Variants in GAL3ST1 observed in about 807,000 individuals in gnomAD.
GAL3ST1 encodes the protein galactose-3-O-sulfotransferase 1, also known as galactosylceramide sulfotransferase.
In GAL3ST1, 13 loss-of-function variants were observed where a neutral mutation model predicts 25.0. The ratio of observed to expected loss-of-function variants is 0.52; its 90% CI spans 0.34 to 0.83. GAL3ST1 has a LOEUF of 0.83. Ranked by LOEUF, GAL3ST1 falls within the 40% of genes least tolerant of loss-of-function variation. The pLI is 0.02. For missense variants in GAL3ST1, 474 were observed against 613.6 expected, an observed-to-expected ratio of 0.77 and a Z score of 2.40; for synonymous variants, 274 against 277.8, an observed-to-expected ratio of 0.99 and a Z score of 0.14.
intron 1 of GAL3ST1, chr22:30,566,193 G>C (rs1401632744): frequency 2.6e-5 from 4 of 152,282 alleles, no homozygotes; most frequent in African/African-American, 9.6e-5. Flanking sequence ...ATGGTATGGA[G>C]TTGTTTTATC....
At chr22:30,558,769 T>C (rs1435518436) in intron 1 of GAL3ST1, among the ~76,000 whole-genome samples, 3 of 152,216 alleles carry the variant, frequency 2.0e-5, no homozygotes, top group African/African-American at 7.2e-5. Context: ...GCCTGTAGGG[T>C]TGCTCAGTTA....
chr22:30,560,169 G>A (rs1458745032), intron 1 of GAL3ST1: 1 of 152,126 alleles, frequency 6.6e-6, no homozygotes, highest in African/African-American at 2.4e-5. Context: ...TTGTCAACAC[G>A]TTAACAAATG....
chr22:30,564,248 T>C (rs1463644219), intron 1 of GAL3ST1, among the ~76,000 whole-genome samples: 1 of 152,204 alleles, frequency 6.6e-6, no homozygotes, highest in Non-Finnish European at 1.5e-5. Context: ...ATTATCATCA[T>C]TACGTTCCCA....
Position 30,556,013 on chromosome 22 carries a change from T to A in GAL3ST1, c.212A>T (p.Glu71Val). The change falls in exon 4 of 4, where the codon GAG becomes GTG. Residue 71 changes from glutamate (E) to valine (V), a missense_variant. Transcript: ENST00000406361. The part of the protein sequence containing the change: ...AVIRANGSAG[E>V]CQPRRNIVFL... Reference sequence around the variant, plus strand: ...CACGATGTTGCGCCGCGGCTGGCACTCCCCCGCCGAGCCGTTGGCCCGGAT... The same window carrying A: ...CACGATGTTGCGCCGCGGCTGGCACACCCCCGCCGAGCCGTTGGCCCGGAT... The A allele has an allele frequency of 1.9e-6, 3 of 1,604,374 alleles. No homozygotes were observed. Among genetic ancestry groups the A allele is most frequent in the Non-Finnish European group, 1.7e-6 (2 of 1,178,402 alleles).
At chr22:30,567,779 G>A (rs1391298026) in intron 1 of GAL3ST1, among the ~76,000 whole-genome samples, 1 of 152,092 alleles carries the variant, frequency 6.6e-6, no homozygotes, top group Non-Finnish European at 1.5e-5. Flanking sequence ...TGCCCCCTGG[G>A]TTCAAGCAAT....
At chr22:30,573,579 T>G (rs1168308693) in intron 1 of GAL3ST1, among the ~76,000 whole-genome samples, 1 of 152,198 alleles carries the variant, frequency 6.6e-6, no homozygotes, top group Non-Finnish European at 1.5e-5. Flanking sequence ...TTTTCCCAAC[T>G]GGAATGGACA....
chr22:30,559,344 G>C (rs1369835942), intron 1 of GAL3ST1, among the ~76,000 whole-genome samples: 2 of 151,902 alleles, frequency 1.3e-5, no homozygotes, highest in Admixed American at 6.6e-5. Flanking sequence ...CGGTTCAAGC[G>C]ATTCTCCTGC....
At chr22:30,557,139 G>A (rs1230687355) in intron 3 of GAL3ST1, 123 bp downstream of exon 3, 3 of 912,688 alleles carry the variant, frequency 3.3e-6, no homozygotes, top group South Asian at 3.2e-5. Flanking sequence ...ACAGCATGGT[G>A]CAGGGTGCAG....
chr22:30,555,702 G>T lies in GAL3ST1; in HGVS notation c.523C>A (p.His175Asn), dbSNP rs951711720. The T allele has an allele frequency of 7.4e-6, 12 of 1,613,830 alleles. No individual in the cohort carries two copies. The Admixed American group carries it at 1.5e-4, about 20-fold the overall frequency. The change falls in exon 4 of 4, where the codon CAC becomes AAC. Residue 175 changes from histidine (H) to asparagine (N), a missense_variant. Physicochemically the swap from His to Asn is moderately conservative, Grantham distance 68. Around this residue, in one of 2 missense-constraint regions of GAL3ST1, gnomAD observed 359 missense variants for 504.4 expected, o/e 0.71. Transcript: ENST00000406361. The surrounding 1 kb of genome is among the most constrained non-coding windows in gnomAD (Gnocchi z 8.6). ...AGGGGCACCACCGGCCCGAAGTAGT[G>T]GAAGGAGGACTCGAACAAGCGGGCG... is the stretch of plus-strand genomic sequence containing the variant. ...DPARLFESSF[H>N]YFGPVVPLTW...
In GAL3ST1 at chr22:30,555,343, A is replaced by G. The variant is rs913355081; in HGVS notation, c.882T>C (p.Tyr294=). ...GCATGTTCCAGGCGGTGGCGCGCCC[A>G]TACAGCTCCCCCGAGAGCCGCGGCA... ...SPVPRLSGEL[Y]GRATAWNMLD... The change falls in exon 4 of 4, where the codon TAT becomes TAC. Residue 294 remains tyrosine (Y), a synonymous_variant. Transcript: ENST00000406361. The surrounding 1 kb of genome is among the most constrained non-coding windows in gnomAD (Gnocchi z 8.6). 6 of 1,607,606 alleles carry G rather than the reference A, an allele frequency of 3.7e-6. No individual in the cohort carries two copies. The African/African-American group carries it at 6.7e-5, about 18-fold the overall frequency.
At chr22:30,564,373 C>G (rs1168566603) in intron 1 of GAL3ST1, among the ~76,000 whole-genome samples, 1 of 152,224 alleles carries the variant, frequency 6.6e-6, no homozygotes, top group Non-Finnish European at 1.5e-5. Context: ...GCCTCAGGGT[C>G]AGAAGACAAA....
In GAL3ST1 at chr22:30,556,036, G is replaced by A. The variant is rs116808844; in HGVS notation, c.189C>T (p.Ile63=). ...ACTCCCCCGCCGAGCCGTTGGCCCG[G>A]ATCACTGCCTCTGGCTCGAGTGCAG... The part of the protein sequence containing the change: ...SPPALEPEAV[I]RANGSAGECQ... Residue 63 remains isoleucine (I), a synonymous_variant, in exon 4 of 4, where the codon ATC becomes ATT. Transcript: ENST00000406361. 4,943 of 1,612,722 alleles carry A rather than the reference G, an allele frequency of 3.1e-3. 43 individuals are homozygous for A. The highest frequency in any genetic ancestry group is 0.024 in the African/African-American group (1,771 of 75,052).
chr22:30,555,843 C>G lies in GAL3ST1; in HGVS notation c.382G>C (p.Asp128His). The G allele has an allele frequency of 6.2e-7, 1 of 1,614,190 alleles. No homozygotes were observed. The highest frequency in any genetic ancestry group is 1.1e-5 in the South Asian group (1 of 91,084). ...PTFFARSLVQ[D>H]YRPGACFNII... The stretch of plus-strand genomic sequence containing the variant: ...TTGAAGCAGGCCCCGGGCCGATAGT[C>G]CTGCACCAGGCTGCGGGCGAAGAAG... The change falls in exon 4 of 4, where the codon GAC becomes CAC. Residue 128 changes from aspartate to histidine, a missense_variant. Coordinates refer to ENST00000406361, the MANE Select transcript of GAL3ST1 (RefSeq NM_001318104.2). The surrounding 1 kb of genome is among the most constrained non-coding windows in gnomAD (Gnocchi z 8.6).
chr22:30,572,363 G>A (rs1323011975), intron 1 of GAL3ST1, among the ~76,000 whole-genome samples: 2 of 152,122 alleles, frequency 1.3e-5, no homozygotes, highest in African/African-American at 2.4e-5. Flanking sequence ...CTGGAAACTC[G>A]CCTGGTAACA....
intron 1 of GAL3ST1, among the ~76,000 whole-genome samples, chr22:30,569,661 A>G (rs987822782): frequency 6.6e-6 from 1 of 152,136 alleles, no homozygotes; most frequent in Non-Finnish European, 1.5e-5. Context: ...AGGAATAACT[A>G]GAGTCACCAG....
intron 1 of GAL3ST1, chr22:30,572,722 C>T: frequency 6.6e-6 from 1 of 152,376 alleles, no homozygotes; most frequent in East Asian, 1.9e-4. Flanking sequence ...TGATGACCCC[C>T]ATGGGCACCT....
At chr22:30,570,333 C>T (rs1325017701) in intron 1 of GAL3ST1, among the ~76,000 whole-genome samples, 1 of 152,144 alleles carries the variant, frequency 6.6e-6, no homozygotes, top group Non-Finnish European at 1.5e-5. Flanking sequence ...CTGAGTGTGC[C>T]TGTTCTCAGA....
At chr22:30,565,186 A>G (rs1469989438) in intron 1 of GAL3ST1, 1 of 152,346 alleles carries the variant, frequency 6.6e-6, no homozygotes, top group Non-Finnish European at 1.5e-5. Flanking sequence ...CAGAGAGCCC[A>G]GAACAGGCTC....
Position 30,556,075 on chromosome 22 carries a change from C to G in GAL3ST1, c.150G>C (p.Ala50=), listed in dbSNP as rs73394272. The stretch of plus-strand genomic sequence containing the variant: ...GCTCGAGTGCAGGTGGAGAGCAGGA[C>G]GCTGCGGCCTCCGGGGTCCTGCTGG... ...GLASTTPEAA[A]SCSPPALEPE... Residue 50 remains alanine (A), a synonymous_variant, in exon 4 of 4, where the codon GCG becomes GCC. Coordinates refer to ENST00000406361, the MANE Select transcript of GAL3ST1 (RefSeq NM_001318104.2). 1.2e-6 allele frequency: 2 copies of G among 1,606,964 alleles called. No individual in the cohort carries two copies. The highest frequency in any genetic ancestry group is 2.2e-5 in the South Asian group (2 of 90,960).
Sources: gnomAD v4.1 joint callset for allele counts (sites outside exome capture counted in the v4.1 genomes callset) on GRCh38, gnomAD v4.1.1 for gene constraint, gnomAD v4.1.1 regional missense constraint, Gnocchi (gnomAD v3.1) non-coding constraint, MANE v1.5 for transcripts, NCBI Gene and HGNC (gene_info 2026-07-23, HGNC 2026-07-21) for gene names.